SDCCAG8: variants seen among roughly 807,000 people sequenced by gnomAD.
SDCCAG8 encodes the protein SHH signaling and ciliogenesis regulator SDCCAG8, also known as serologically defined colon cancer antigen 8.
In SDCCAG8, 74 loss-of-function variants were observed where a neutral mutation model predicts 101.8. That is an observed-to-expected ratio of 0.73 (90% confidence interval 0.60 to 0.88). The LOEUF (loss-of-function observed/expected upper bound fraction) is 0.88. SDCCAG8 is among the 40% of genes least tolerant of loss of function. SDCCAG8 has a pLI of 0.00. For missense variants in SDCCAG8, 787 were observed against 822.6 expected (o/e 0.96, Z 0.53); for synonymous variants, 281 against 292.9 (o/e 0.96, Z 0.41).
chr1:243,281,857 G>A (rs1198885933), intron 4 of SDCCAG8, among the ~76,000 whole-genome samples: 2 of 152,060 alleles, frequency 1.3e-5, no homozygotes, highest in Non-Finnish European at 2.9e-5. Flanking sequence ...TGTTGCCCAG[G>A]CTGGTGGCGA....
At chr1:243,475,846 C>A (rs957337186) in intron 16 of SDCCAG8, 7 of 566,100 alleles carry the variant, frequency 1.2e-5, no homozygotes, top group Non-Finnish European at 1.6e-5. Flanking sequence ...GAAGCCTAGA[C>A]TGGTTCTCTT....
intron 15 of SDCCAG8, among the ~76,000 whole-genome samples, chr1:243,419,817 G>A (rs866907360): frequency 6.6e-6 from 1 of 152,146 alleles, no homozygotes; most frequent in Admixed American, 6.5e-5. Flanking sequence ...TTAAATTTCC[G>A]TGGAGAAGTA....
intron 10 of SDCCAG8, among the ~76,000 whole-genome samples, chr1:243,338,416 C>G (rs576202622): frequency 4.7e-4 from 70 of 150,298 alleles, no homozygotes; most frequent in Non-Finnish European, 8.9e-4. Flanking sequence ...TCCTCCCTTA[C>G]TTTTCTTTTT....
chr1:243,461,004 G>A (rs1381148014), intron 16 of SDCCAG8, among the ~76,000 whole-genome samples: 1 of 152,178 alleles, frequency 6.6e-6, no homozygotes, highest in Admixed American at 6.5e-5. Flanking sequence ...CTAGTCAAAT[G>A]AAAAACACTT....
chr1:243,432,779 A>G (rs2081882052), intron 16 of SDCCAG8, among the ~76,000 whole-genome samples: 1 of 152,228 alleles, frequency 6.6e-6, no homozygotes, highest in Admixed American at 6.5e-5. Flanking sequence ...TAAATGAAAT[A>G]GTGGCATTAT....
intron 16 of SDCCAG8, among the ~76,000 whole-genome samples, chr1:243,429,680 C>T (rs1386197243): frequency 1.3e-5 from 2 of 149,688 alleles, no homozygotes; most frequent in African/African-American, 4.9e-5. Flanking sequence ...AGGTACATAC[C>T]ACCATGCTCT....
chr1:243,492,900 G>A (rs930337643), intron 17 of SDCCAG8, among the ~76,000 whole-genome samples: 11 of 152,030 alleles, frequency 7.2e-5, no homozygotes, highest in Non-Finnish European at 1.0e-4. Context: ...AGCTTTGCCC[G>A]GCCTCTTGGC....
chr1:243,389,815 G>A (rs979954571), intron 13 of SDCCAG8, among the ~76,000 whole-genome samples: 2 of 152,268 alleles, frequency 1.3e-5, no homozygotes, highest in Non-Finnish European at 2.9e-5. Flanking sequence ...GAGGAGAGTA[G>A]GCAGGGGATG....
chr1:243,499,700 C>CAAAT (rs766658191), intron 17 of SDCCAG8, 56 bp from the exon 18 acceptor site: 12 of 1,368,592 alleles, frequency 8.8e-6, no homozygotes, highest in African/African-American at 4.3e-5. Context: ...AATGAGAAGA[C>CAAAT]AAATAACATT....
chr1:243,309,869 TG>T (rs67513961), intron 8 of SDCCAG8, among the ~76,000 whole-genome samples: 39,501 of 151,860 alleles, frequency 0.26, 5,329 homozygotes, highest in South Asian at 0.43. Context: ...TTGTTTGTTT[TG>T]TTTTTGTTTT....
At chr1:243,495,721 C>T (rs531320116) in intron 17 of SDCCAG8, among the ~76,000 whole-genome samples, 8 of 152,312 alleles carry the variant, frequency 5.3e-5, no homozygotes, top group Admixed American at 1.3e-4. Flanking sequence ...GCTCGAAGGC[C>T]GCGTTTCCCC....
chr1:243,439,665 C>CACACACACACACACAT (rs1160954571), intron 16 of SDCCAG8, among the ~76,000 whole-genome samples: 1 of 151,316 alleles, frequency 6.6e-6, no homozygotes, highest in East Asian at 1.9e-4. Flanking sequence ...CACACACACA[C>CACACACACACACACAT]ATCATTGGAG....
chr1:243,484,328 A>G (rs1664353208), intron 16 of SDCCAG8, among the ~76,000 whole-genome samples: 1 of 152,202 alleles, frequency 6.6e-6, no homozygotes, highest in African/African-American at 2.4e-5. Flanking sequence ...CGAAGTGGGA[A>G]GGCCCCGCCC....
chr1:243,385,803 G>T (rs1382483878), intron 13 of SDCCAG8, among the ~76,000 whole-genome samples: 40 of 151,748 alleles, frequency 2.6e-4, no homozygotes, highest in Admixed American at 2.4e-3. Flanking sequence ...AACCCCATCT[G>T]TACTAAAAAT....
At chr1:243,379,539 A>G (rs1252294024) in intron 13 of SDCCAG8, among the ~76,000 whole-genome samples, 3 of 152,136 alleles carry the variant, frequency 2.0e-5, no homozygotes, top group Non-Finnish European at 4.4e-5. Context: ...CTGCATTGGA[A>G]AAAAACATAC....
At chr1:243,260,067 AG>A (rs2067085886) in intron 1 of SDCCAG8, among the ~76,000 whole-genome samples, 2 of 152,180 alleles carry the variant, frequency 1.3e-5, no homozygotes, top group Non-Finnish European at 2.9e-5. Context: ...ACTTCTCTAA[AG>A]ATATCTCTTG....
rs188276980 is a variant in SDCCAG8, at chr1:243,496,341, G to A, written c.2113-3415G>A. 2.8e-4 allele frequency among the ~76,000 whole-genome samples: 43 copies of A among 151,296 alleles called. No homozygotes were observed. The East Asian group carries it at 6.2e-3, about 22-fold the overall frequency. ...GGTGCCCAGAACACGAGGCGGAGGCGGGAGGCGAGCCACCAAGCGAGGCAG... is the reference window on the plus strand; with the variant it reads ...GGTGCCCAGAACACGAGGCGGAGGCAGGAGGCGAGCCACCAAGCGAGGCAG... On this transcript the variant is annotated intron_variant, in intron 17 of 17. Coordinates refer to ENST00000366541, the MANE Select transcript of SDCCAG8 (RefSeq NM_006642.5).
intron 16 of SDCCAG8, among the ~76,000 whole-genome samples, chr1:243,463,490 G>C (rs1659531809): frequency 1.3e-5 from 2 of 152,160 alleles, no homozygotes; most frequent in African/African-American, 4.8e-5. Context: ...TGCCTTGCTG[G>C]ACCTCCTGAC....
intron 16 of SDCCAG8, among the ~76,000 whole-genome samples, chr1:243,460,860 C>A (rs568714457): frequency 2.0e-4 from 31 of 152,200 alleles, no homozygotes; most frequent in Non-Finnish European, 8.8e-5. Context: ...GCCTCTTAGC[C>A]TGTGCCTCCC....
Sources: gnomAD v4.1 joint callset for allele counts (sites outside exome capture counted in the v4.1 genomes callset) on GRCh38, gnomAD v4.1.1 for gene constraint, MANE v1.5 for transcripts, NCBI Gene and HGNC (gene_info 2026-07-23, HGNC 2026-07-21) for gene names.